ITFG2: variants seen among roughly 807,000 people sequenced by gnomAD.
The protein encoded by ITFG2 is integrin alpha FG-GAP repeat containing 2.
ITFG2 carries 36 observed loss-of-function variants against 54.4 expected under a neutral mutation model. The ratio of observed to expected loss-of-function variants is 0.66; its 90% confidence interval spans 0.51 to 0.87. The LOEUF is 0.87. ITFG2 is among the 40% of genes least tolerant of loss of function. The probability of loss-of-function intolerance (pLI) is 0.00; values close to 1 mark genes in which losing one functional copy is unlikely to be tolerated. For synonymous variants in ITFG2, 211 were observed against 225.4 expected (o/e 0.94, Z 0.57); for missense variants, 524 against 576.7 (o/e 0.91, Z 0.94).
At chr12:2,819,922 C>A in intron 4 of ITFG2, 164 bp from the exon 5 acceptor site, 1 of 774,990 alleles carries the variant, frequency 1.3e-6, no homozygotes, top group Non-Finnish European at 1.9e-6. Flanking sequence ...AATGGACGGG[C>A]AAGATGCCGC....
intron 2 of ITFG2, among the ~76,000 whole-genome samples, chr12:2,843,792 G>A (rs2098046977): frequency 6.7e-6 from 1 of 149,064 alleles, no homozygotes; most frequent in East Asian, 2.2e-4. Flanking sequence ...CAGCCTGGGT[G>A]ACAGAGCGAG....
At chr12:2,843,219 C>T (rs111687364) in intron 2 of ITFG2, among the ~76,000 whole-genome samples, 1 of 152,182 alleles carries the variant, frequency 6.6e-6, no homozygotes, top group Middle Eastern at 3.2e-3. Flanking sequence ...CAGGCTTTCT[C>T]CTCTGGGCCT....
intron 2 of ITFG2, chr12:2,854,846 C>A: frequency 6.8e-7 from 1 of 1,479,298 alleles, no homozygotes; most frequent in South Asian, 1.3e-5. Flanking sequence ...AGGGAGGGGT[C>A]ACCTGGGCAG....
chr12:2,823,143 A>G (rs1038376852), intron 10 of ITFG2, among the ~76,000 whole-genome samples: 6 of 152,174 alleles, frequency 3.9e-5, no homozygotes, highest in African/African-American at 1.4e-4. Flanking sequence ...AGGGGTGGTC[A>G]CTACATTGCC....
At chr12:2,858,855 G>A (rs1401357208) in intron 3 of ITFG2, 2 of 1,614,182 alleles carry the variant, frequency 1.2e-6, no homozygotes, top group South Asian at 2.2e-5. Context: ...TGAGGGAGAA[G>A]AGTTGCCAAA....
At chr12:2,858,887 G>C in intron 3 of ITFG2, 1 of 1,614,092 alleles carries the variant, frequency 6.2e-7, no homozygotes, top group Non-Finnish European at 8.5e-7. Context: ...TGAGGTCTAA[G>C]GGTTCTGAAC....
intron 2 of ITFG2, among the ~76,000 whole-genome samples, chr12:2,846,758 C>T (rs1285854624): frequency 6.6e-6 from 1 of 151,638 alleles, no homozygotes; most frequent in Non-Finnish European, 1.5e-5. Flanking sequence ...CTCACACACC[C>T]CGTCACACAT....
At chr12:2,838,598 C>T (rs1462987843) in intron 1 of ITFG2, among the ~76,000 whole-genome samples, 2 of 152,188 alleles carry the variant, frequency 1.3e-5, no homozygotes, top group African/African-American at 4.8e-5. Context: ...GCCCTGGAAA[C>T]CACTTGTGCT....
chr12:2,854,284 T>C (rs1439673017), intron 2 of ITFG2, among the ~76,000 whole-genome samples: 2 of 152,166 alleles, frequency 1.3e-5, no homozygotes, highest in Non-Finnish European at 2.9e-5. Context: ...CTCGGCCTCC[T>C]AAAGTTCTGG....
Position 2,820,875 on chromosome 12 carries a change from A to C in ITFG2, c.695+3A>C. On this transcript the variant is annotated splice_donor_region_variant and intron_variant, in intron 6 of 11. Transcript: ENST00000228799. ...GAAGGGCCCACGGATGGTAGTAGGT[A>C]AGGGGGTACAGGCCAGTGGATGGTG... 1 of 1,613,806 alleles carries C rather than the reference A, an allele frequency of 6.2e-7. No individual in the cohort carries two copies. The highest frequency in any genetic ancestry group is 8.5e-7 in the Non-Finnish European group (1 of 1,179,810).
At chr12:2,818,538 C>A in intron 4 of ITFG2, 1 of 527,346 alleles carries the variant, frequency 1.9e-6, no homozygotes, top group Non-Finnish European at 3.3e-6. Context: ...TGCCTCTCGC[C>A]TGTGATACCA....
At chr12:2,833,791 A>AT (rs1342200318), upstream of ITFG2, among the ~76,000 whole-genome samples, 1 of 152,184 alleles carries the variant, frequency 6.6e-6, no homozygotes, top group Non-Finnish European at 1.5e-5. Context: ...TGCTTTAAAT[A>AT]TATTAGCTCT....
rs2153924670 is a variant in ITFG2 at position 2,821,575 on chromosome 12, T to C, written c.826T>C (p.Phe276Leu). The C allele has an allele frequency of 6.2e-7, 1 of 1,614,210 alleles. No individual in the cohort carries two copies. Among genetic ancestry groups the C allele is most frequent in the East Asian group, 2.2e-5 (1 of 44,870 alleles). Residue 276 changes from phenylalanine (F) to leucine (L), a missense_variant, in exon 8 of 12, where the codon TTT becomes CTT. Physicochemically the swap from Phe to Leu is conservative, Grantham distance 22. Transcript: ENST00000228799. ...HGTESSGSGLFALCTLDGTLK... is the reference protein window; with the variant it reads ...HGTESSGSGLLALCTLDGTLK... ...CACTGAGAGTAGTGGCTCTGGCCTC[T>C]TTGCCCTGTGCACCCTGGATGGTGA...
At chr12:2,856,849 G>A (rs2098088894) in intron 2 of ITFG2, 1 of 683,288 alleles carries the variant, frequency 1.5e-6, no homozygotes, top group Non-Finnish European at 2.7e-6. Context: ...AAAATGTATG[G>A]GCCAGGCAGT....
downstream of ITFG2, among the ~76,000 whole-genome samples, chr12:2,829,830 C>A (rs552481405): frequency 9.3e-5 from 13 of 140,058 alleles, no homozygotes; most frequent in East Asian, 1.1e-3. Flanking sequence ...GTAATCCCAG[C>A]ACTTTGGGAG....
intron 1 of ITFG2, among the ~76,000 whole-genome samples, chr12:2,814,378 TATCTG>T (rs1411167296): frequency 6.6e-6 from 1 of 152,234 alleles, no homozygotes; most frequent in Non-Finnish European, 1.5e-5. Flanking sequence ...AAATTGTACT[TATCTG>T]AAAGAATTAC....
chr12:2,830,721 A>C lies in ITFG2; in HGVS notation c.*60-113A>C, dbSNP rs774142954. ...GAGGCCTCTCACCTTGCAGTTGACC[A>C]GAAGAGCTGGAATCTCTGTCCTGCT... is the stretch of plus-strand genomic sequence containing the variant. On this transcript the variant is annotated intron_variant and NMD_transcript_variant, in intron 2 of 2. Transcript: ENST00000538822. The C allele has an allele frequency of 1.9e-6, 3 of 1,612,168 alleles. No individual in the cohort carries two copies. The highest frequency in any genetic ancestry group is 2.5e-6 in the Non-Finnish European group (3 of 1,179,236).
At chr12:2,819,521 C>T (rs1009415404) in intron 4 of ITFG2, 5 of 151,654 alleles carry the variant, frequency 3.3e-5, no homozygotes, top group African/African-American at 9.7e-5. Flanking sequence ...ATCCCAGCTA[C>T]TCTAGAGGCC....
intron 3 of ITFG2, chr12:2,858,986 G>T (rs2093527058): frequency 1.2e-6 from 2 of 1,613,486 alleles, no homozygotes; most frequent in Non-Finnish European, 1.7e-6. Flanking sequence ...CAGGCAAGGG[G>T]TCAGAGGCAC....
Sources: gnomAD v4.1 joint callset for allele counts (sites outside exome capture counted in the v4.1 genomes callset) on GRCh38, gnomAD v4.1.1 for gene constraint, MANE v1.5 for transcripts, NCBI Gene and HGNC (gene_info 2026-07-23, HGNC 2026-07-21) for gene names.